FAM227B: variants seen among roughly 807,000 people sequenced by gnomAD.
FAM227B encodes family with sequence similarity 227 member B, also known as protein FAM227B.
Under a neutral mutation model 73.8 loss-of-function variants are expected in FAM227B, and 88 were observed. The ratio of observed to expected loss-of-function variants is 1.19; its 90% CI spans 1.00 to 1.42. FAM227B has a LOEUF of 1.42. Among genes scored for constraint, FAM227B ranks in the 40% most tolerant of loss-of-function variants. FAM227B has a pLI of 0.00. For synonymous variants in FAM227B, 210 were observed against 190.5 expected (o/e 1.10, Z -0.84); for missense variants, 632 against 590.9 (o/e 1.07, Z -0.72).
chr15:49,390,971 G>A (rs1232945286), intron 11 of FAM227B, among the ~76,000 whole-genome samples: 1 of 151,976 alleles, frequency 6.6e-6, no homozygotes, highest in Non-Finnish European at 1.5e-5. Flanking sequence ...ATGGGATGAA[G>A]ATTCAGGACT....
chr15:49,548,711 G>A (rs537791211), intron 9 of FAM227B, among the ~76,000 whole-genome samples: 1 of 152,106 alleles, frequency 6.6e-6, no homozygotes, highest in South Asian at 2.1e-4. Context: ...TACTTGGTTT[G>A]TTCAGGATTT....
At chr15:49,339,414 C>A (rs1341321656) in intron 13 of FAM227B, among the ~76,000 whole-genome samples, 2 of 152,132 alleles carry the variant, frequency 1.3e-5, no homozygotes, top group East Asian at 1.9e-4. Flanking sequence ...TGCTGTAGGT[C>A]CGCCCCAGAC....
chr15:49,601,417 C>T (rs952054124), intron 3 of FAM227B, among the ~76,000 whole-genome samples: 5 of 152,032 alleles, frequency 3.3e-5, no homozygotes, highest in Non-Finnish European at 7.4e-5. Flanking sequence ...AACTCCCACT[C>T]TCACATTTTA....
chr15:49,580,713 C>T (rs1229113987), intron 5 of FAM227B, among the ~76,000 whole-genome samples: 2 of 152,088 alleles, frequency 1.3e-5, no homozygotes, highest in African/African-American at 2.4e-5. Context: ...GAAACTGAAA[C>T]CAACTCCAAA....
intron 11 of FAM227B, among the ~76,000 whole-genome samples, chr15:49,489,841 TTA>T (rs796713705): frequency 0.011 from 255 of 22,966 alleles, 12 homozygotes; most frequent in African/African-American, 0.02. Flanking sequence ...TATATATATT[TTA>T]TATATATATA....
chr15:49,408,853 G>A (rs981885733), intron 11 of FAM227B, among the ~76,000 whole-genome samples: 1 of 152,014 alleles, frequency 6.6e-6, no homozygotes, highest in Admixed American at 6.6e-5. Context: ...GGGGTGGAGG[G>A]GTGGGGTTAT....
chr15:49,560,986 A>G (rs2074208155), intron 9 of FAM227B, among the ~76,000 whole-genome samples: 1 of 152,144 alleles, frequency 6.6e-6, no homozygotes, highest in South Asian at 2.1e-4. Context: ...ATAGAAAACA[A>G]TAAGCTAAGA....
chr15:49,525,410 CCATTAAACTTAAGTA>C, intron 10 of FAM227B, among the ~76,000 whole-genome samples: 1 of 151,928 alleles, frequency 6.6e-6, no homozygotes, highest in Non-Finnish European at 1.5e-5. Context: ...AACTGTAAGT[CCATTAAACTTAAGTA>C]CATTAAACCT....
chr15:49,472,820 T>C (rs573771151), intron 11 of FAM227B, among the ~76,000 whole-genome samples: 1 of 152,280 alleles, frequency 6.6e-6, no homozygotes, highest in Admixed American at 6.5e-5. Flanking sequence ...TGATAAATAG[T>C]AGATGGAAAA....
intron 11 of FAM227B, among the ~76,000 whole-genome samples, chr15:49,434,947 ATATATTTTTTCTGAATAACTG>A (rs1280523255): frequency 6.6e-6 from 1 of 151,580 alleles, no homozygotes; most frequent in Non-Finnish European, 1.5e-5. Flanking sequence ...AATTGGAATA[ATATATTTTTTCTGAATAACTG>A]CATATTTTTC....
At chr15:49,374,642 C>G (rs1216232743) in intron 11 of FAM227B, among the ~76,000 whole-genome samples, 3 of 152,214 alleles carry the variant, frequency 2.0e-5, no homozygotes, top group Non-Finnish European at 2.9e-5. Flanking sequence ...CTCCCAGGTT[C>G]AAGCGATTCT....
chr15:49,573,983 T>C (rs1317161227), intron 8 of FAM227B, among the ~76,000 whole-genome samples: 1 of 152,184 alleles, frequency 6.6e-6, no homozygotes, highest in Admixed American at 6.6e-5. Flanking sequence ...GGAATTGTTA[T>C]GTTAGGTTGA....
intron 8 of FAM227B, 139 bp downstream of exon 8, chr15:49,574,872 T>C: frequency 2.0e-6 from 1 of 494,604 alleles, no homozygotes; most frequent in Non-Finnish European, 3.6e-6. Context: ...TCATATAGGA[T>C]TTCTAATGTG....
At chr15:49,478,278 T>C (rs1278531876) in intron 11 of FAM227B, among the ~76,000 whole-genome samples, 2 of 152,222 alleles carry the variant, frequency 1.3e-5, no homozygotes, top group African/African-American at 2.4e-5. Flanking sequence ...CATATGCTTA[T>C]TTGCCCTTTG....
intron 11 of FAM227B, among the ~76,000 whole-genome samples, chr15:49,465,223 A>T (rs1288417567): frequency 6.6e-6 from 1 of 151,780 alleles, no homozygotes; most frequent in East Asian, 1.9e-4. Flanking sequence ...TCTGCCTCCT[A>T]GGTTAAAGCG....
intron 10 of FAM227B, among the ~76,000 whole-genome samples, chr15:49,511,191 A>C (rs2058970888): frequency 6.6e-6 from 1 of 152,126 alleles, no homozygotes; most frequent in Non-Finnish European, 1.5e-5. Context: ...GATGTCAAAA[A>C]CAAAAAGGCT....
At chr15:49,493,114 C>G (rs921603646) in intron 11 of FAM227B, among the ~76,000 whole-genome samples, 2 of 151,962 alleles carry the variant, frequency 1.3e-5, no homozygotes. Context: ...CTCTTCCTCA[C>G]TACTTTCATG....
intron 13 of FAM227B, among the ~76,000 whole-genome samples, chr15:49,339,760 G>A (rs137903111): frequency 8.9e-4 from 135 of 152,308 alleles, no homozygotes; most frequent in African/African-American, 3.2e-3. Context: ...TCCCAGGTAG[G>A]TGGGGGTTTT....
At chr15:49,576,909 A>G (rs536919239) in intron 6 of FAM227B, 64 bp from the exon 7 acceptor site, 5 of 863,920 alleles carry the variant, frequency 5.8e-6, no homozygotes, top group Admixed American at 4.9e-5. Context: ...GTAGACTCAT[A>G]TAACTACAGA....
Sources: allele counts gnomAD v4.1 joint callset (sites outside exome capture counted in the v4.1 genomes callset), GRCh38; gene constraint gnomAD v4.1.1; transcripts MANE v1.5; gene names NCBI Gene and HGNC (gene_info 2026-07-23, HGNC 2026-07-21).